The following LINGO2 variants were observed in gnomAD, a reference collection of about 807,000 sequenced individuals.
LINGO2 encodes the protein leucine rich repeat and Ig domain containing 2.
Under a neutral mutation model 30.6 loss-of-function variants are expected in LINGO2, and 14 were observed. That is an observed-to-expected ratio of 0.46 (90% CI 0.30 to 0.72). The LOEUF is 0.72. LINGO2 is among the 30% of genes least tolerant of loss of function. LINGO2 has a pLI of 0.07. For synonymous variants in LINGO2, 317 were observed against 288.5 expected, an observed-to-expected ratio of 1.10 and a Z score of -1.00; for missense variants, 729 against 751.7, an observed-to-expected ratio of 0.97 and a Z score of 0.35.
At chr9:28,388,715 G>C (rs774608086) in intron 2 of LINGO2, among the ~76,000 whole-genome samples, 5 of 152,018 alleles carry the variant, frequency 3.3e-5, no homozygotes, top group Admixed American at 6.6e-5. Context: ...TGTGTATTTT[G>C]TGGTTTTTGA....
At chr9:28,070,084 C>T (rs551914510) in intron 4 of LINGO2, among the ~76,000 whole-genome samples, 103 of 152,246 alleles carry the variant, frequency 6.8e-4, no homozygotes, top group African/African-American at 2.2e-3. Flanking sequence ...GACCAGGTTT[C>T]GCCAGATCAC....
In LINGO2 at chr9:28,486,821, C is replaced by A. The variant is rs76417216; in HGVS notation, c.-364-10796G>T. ...AATAATAATAAAATAGTGATATAAA[C>A]TCACAATCTATGACTAGAGATAGAG... On this transcript the variant is annotated intron_variant, in intron 1 of 5. Coordinates refer to ENST00000379992, the Ensembl canonical transcript of LINGO2. 5.2e-3 allele frequency among the ~76,000 whole-genome samples: 789 copies of A among 152,174 alleles called. 37 individuals are homozygous for A. In the East Asian group the frequency reaches 0.093, roughly 18 times the overall value.
At chr9:28,312,157 T>TTTTTTTC (rs1824651233) in intron 3 of LINGO2, among the ~76,000 whole-genome samples, 1 of 146,788 alleles carries the variant, frequency 6.8e-6, no homozygotes. Context: ...TCTTTTTTCT[T>TTTTTTTC]TTTTTTGTAT....
chr9:28,089,538 C>G (rs999357368), intron 4 of LINGO2, among the ~76,000 whole-genome samples: 1 of 152,058 alleles, frequency 6.6e-6, no homozygotes, highest in African/African-American at 2.4e-5. Context: ...CACATCATAC[C>G]AGAATCTCTG....
the LINGO2 span, among the ~76,000 whole-genome samples, chr9:28,825,309 T>C: frequency 6.6e-6 from 1 of 151,806 alleles, no homozygotes; most frequent in African/African-American, 2.4e-5. Flanking sequence ...TCAGAACTAA[T>C]AGTAGAGAAG....
the LINGO2 span, among the ~76,000 whole-genome samples, chr9:28,831,821 TTTTG>T: frequency 2.0e-5 from 3 of 152,266 alleles, no homozygotes; most frequent in Middle Eastern, 0.01. Context: ...CTAAGAAAAC[TTTTG>T]TTTGTTTTGT....
the LINGO2 span, among the ~76,000 whole-genome samples, chr9:29,074,965 C>T: frequency 7.9e-5 from 12 of 152,000 alleles, no homozygotes; most frequent in African/African-American, 2.4e-4. Flanking sequence ...CGTGAGCCAC[C>T]GCGCCAGGCC....
At chr9:28,898,388 A>C in the LINGO2 span, among the ~76,000 whole-genome samples, 1 of 152,164 alleles carries the variant, frequency 6.6e-6, no homozygotes, top group Non-Finnish European at 1.5e-5. Context: ...TATTTTACTA[A>C]GGCACTGACA....
At chr9:29,002,826 G>C in the LINGO2 span, among the ~76,000 whole-genome samples, 518 of 151,910 alleles carry the variant, frequency 3.4e-3, 5 homozygotes, top group African/African-American at 0.012. Context: ...CTGCTAGTTT[G>C]GCACAGGTGT....
the LINGO2 span, among the ~76,000 whole-genome samples, chr9:28,897,929 T>A: frequency 6.6e-6 from 1 of 152,130 alleles, no homozygotes; most frequent in Non-Finnish European, 1.5e-5. Context: ...ACTTTTCTAA[T>A]AGTTGGATCC....
intron 3 of LINGO2, among the ~76,000 whole-genome samples, chr9:28,312,681 G>A (rs1255604370): frequency 6.6e-6 from 1 of 152,206 alleles, no homozygotes; most frequent in Non-Finnish European, 1.5e-5. Context: ...ATACAAGACA[G>A]AGTGCAATTA....
At chr9:28,691,767 C>T in the LINGO2 span, among the ~76,000 whole-genome samples, 1 of 152,170 alleles carries the variant, frequency 6.6e-6, no homozygotes, top group Admixed American at 6.5e-5. Flanking sequence ...ATTTTAAAAG[C>T]TTGTGTACTA....
chr9:28,903,735 T>C, the LINGO2 span, among the ~76,000 whole-genome samples: 2 of 152,106 alleles, frequency 1.3e-5, no homozygotes, highest in East Asian at 3.9e-4. Flanking sequence ...GCCTTAGACT[T>C]ATCAGAGCAC....
chr9:28,317,656 C>G (rs1440692632), intron 3 of LINGO2, among the ~76,000 whole-genome samples: 1 of 151,766 alleles, frequency 6.6e-6, no homozygotes, highest in East Asian at 1.9e-4. Flanking sequence ...AAAAAAGATA[C>G]TTTCAAAAGA....
intron 4 of LINGO2, among the ~76,000 whole-genome samples, chr9:28,141,139 A>G (rs942629265): frequency 2.6e-5 from 4 of 152,168 alleles, no homozygotes; most frequent in Admixed American, 2.6e-4. Context: ...TTATTAGAGA[A>G]AGGTTAACTT....
rs200696442 is a variant in LINGO2 at position 27,949,078 on chromosome 9, T to C, written c.1594A>G (p.Asn532Asp). Residue 532 changes from asparagine (N) to aspartate (D), a missense_variant, in exon 6 of 6, where the codon AAT becomes GAT. Transcript: ENST00000379992. ...GTTTTAAGGTCCAGGGAAAAAGTAT[T>C]GGCATTGGTGCCATTGGAAATGGTG... 199 of 1,614,068 alleles carry C rather than the reference T, an allele frequency of 1.2e-4. No homozygotes were observed. The highest frequency in any genetic ancestry group is 1.6e-4 in the Non-Finnish European group (187 of 1,180,026).
the LINGO2 span, among the ~76,000 whole-genome samples, chr9:29,056,126 T>A: frequency 1.3e-5 from 2 of 152,036 alleles, no homozygotes; most frequent in Admixed American, 1.3e-4. Context: ...TCTGGGTAGA[T>A]ACTCAGGAGT....
chr9:28,290,627 G>C (rs968560427), intron 4 of LINGO2, among the ~76,000 whole-genome samples: 1 of 152,178 alleles, frequency 6.6e-6, no homozygotes, highest in Non-Finnish European at 1.5e-5. Flanking sequence ...ATATAGCAGG[G>C]AAGGAATGTA....
intron 1 of LINGO2, among the ~76,000 whole-genome samples, chr9:28,569,426 T>C (rs1823562363): frequency 6.6e-6 from 1 of 150,720 alleles, no homozygotes. Context: ...GAAAAGGTGA[T>C]ATATATATGA....
Sources: gnomAD v4.1 joint callset for allele counts (sites outside exome capture counted in the v4.1 genomes callset) on GRCh38, gnomAD v4.1.1 for gene constraint, MANE v1.5 for transcripts, NCBI Gene and HGNC (gene_info 2026-07-23, HGNC 2026-07-21) for gene names.